CDIN1: variants seen among roughly 807,000 people sequenced by gnomAD.
CDIN1 encodes the protein CDAN1 interacting nuclease 1.
Under a neutral mutation model 45.3 loss-of-function variants are expected in CDIN1, and 33 were observed. The observed-to-expected ratio is 0.73, with a 90% CI of 0.55 to 0.97. The LOEUF is 0.97. CDIN1 is among the 50% of genes least tolerant of loss of function. The pLI, the probability that CDIN1 is intolerant of heterozygous loss-of-function variation, is 0.00. For missense variants in CDIN1, 303 were observed against 339.4 expected, an observed-to-expected ratio of 0.89 and a Z score of 0.84; for synonymous variants, 118 against 124.4, an observed-to-expected ratio of 0.95 and a Z score of 0.34.
At chr15:36,795,702 T>G (rs1566979134) in intron 10 of CDIN1, among the ~76,000 whole-genome samples, 1 of 151,568 alleles carries the variant, frequency 6.6e-6, no homozygotes, top group Non-Finnish European at 1.5e-5. Context: ...TTTATTTTTA[T>G]TATTATTTAT....
chr15:36,651,007 G>A (rs1273586327), intron 3 of CDIN1, among the ~76,000 whole-genome samples: 2 of 151,720 alleles, frequency 1.3e-5, no homozygotes, highest in Non-Finnish European at 2.9e-5. Flanking sequence ...AGGTTGCAGT[G>A]AGCCGAGATT....
At chr15:36,720,250 TTTA>T (rs869184522) in intron 10 of CDIN1, among the ~76,000 whole-genome samples, 1 of 63,348 alleles carries the variant, frequency 1.6e-5, no homozygotes, top group Non-Finnish European at 2.8e-5. Context: ...TTATTTATTA[TTTA>T]TTATTTATTT....
chr15:36,678,659 G>A (rs1451156381), intron 5 of CDIN1, among the ~76,000 whole-genome samples: 1 of 152,112 alleles, frequency 6.6e-6, no homozygotes, highest in Admixed American at 6.5e-5. Flanking sequence ...CTCCCTGACT[G>A]CTGCCATCCA....
chr15:36,594,943 T>C (rs2037743914), intron 1 of CDIN1: 2 of 979,502 alleles, frequency 2.0e-6, no homozygotes, highest in South Asian at 4.7e-5. Flanking sequence ...TTTTATGAAG[T>C]TTACTGTTTC....
chr15:36,777,532 C>G (rs1054687360), intron 10 of CDIN1, among the ~76,000 whole-genome samples: 13 of 152,108 alleles, frequency 8.5e-5, no homozygotes, highest in African/African-American at 2.9e-4. Flanking sequence ...ATTTGGACAT[C>G]TAATCAACAT....
chr15:36,737,024 C>G (rs929845464), intron 10 of CDIN1, among the ~76,000 whole-genome samples: 3 of 151,962 alleles, frequency 2.0e-5, no homozygotes, highest in African/African-American at 4.8e-5. Flanking sequence ...AAAAATTAGC[C>G]AGGCGTGGTG....
At chr15:36,656,019 A>G (rs16963785) in intron 4 of CDIN1, among the ~76,000 whole-genome samples, 42,428 of 151,954 alleles carry the variant, frequency 0.28, 6,133 homozygotes, top group Admixed American at 0.36. Flanking sequence ...TAGCCAAGAG[A>G]AAACGTAGTT....
At chr15:36,682,067 G>A (rs1287093162) in intron 5 of CDIN1, among the ~76,000 whole-genome samples, 1 of 151,684 alleles carries the variant, frequency 6.6e-6, no homozygotes, top group East Asian at 1.9e-4. Context: ...CCAATAGGAG[G>A]GGTGTGTGTA....
intron 1 of CDIN1, among the ~76,000 whole-genome samples, chr15:36,593,500 A>G (rs2037679659): frequency 6.6e-6 from 1 of 152,210 alleles, no homozygotes; most frequent in Non-Finnish European, 1.5e-5. Context: ...CAGTGTGAAC[A>G]TTGATTTAGT....
At chr15:36,648,022 G>A (rs954795888) in intron 3 of CDIN1, among the ~76,000 whole-genome samples, 2 of 151,952 alleles carry the variant, frequency 1.3e-5, no homozygotes, top group Admixed American at 1.3e-4. Context: ...TGTATTTTTA[G>A]TAGAGACGGG....
intron 1 of CDIN1, among the ~76,000 whole-genome samples, chr15:36,612,920 G>T (rs1566832902): frequency 6.6e-6 from 1 of 152,106 alleles, no homozygotes; most frequent in Non-Finnish European, 1.5e-5. Flanking sequence ...CTCTTAAAAA[G>T]GTAACAGTTG....
chr15:36,753,934 G>A lies in CDIN1; in HGVS notation c.716+43973G>A, dbSNP rs551523006. Among the ~76,000 whole-genome samples the A allele has an allele frequency of 4.1e-4, 62 of 149,606 alleles. No homozygotes were observed. The South Asian group carries it at 0.011, about 26-fold the overall frequency. Reference sequence around the variant, plus strand: ...AAAGGGAAAATTGGAAGAAGAGGAGGAGCAGGTAATACTGGAGAAATGCTG... The same window carrying A: ...AAAGGGAAAATTGGAAGAAGAGGAGAAGCAGGTAATACTGGAGAAATGCTG... On this transcript the variant is annotated intron_variant, in intron 10 of 10. Transcript: ENST00000566621.
At chr15:36,740,725 G>A (rs1346106596) in intron 10 of CDIN1, among the ~76,000 whole-genome samples, 2 of 151,890 alleles carry the variant, frequency 1.3e-5, no homozygotes, top group East Asian at 1.9e-4. Flanking sequence ...CCCATCTCCC[G>A]TAAAAATACA....
chr15:36,758,703 A>C, intron 10 of CDIN1, among the ~76,000 whole-genome samples: 1 of 152,196 alleles, frequency 6.6e-6, no homozygotes, highest in Non-Finnish European at 1.5e-5. Flanking sequence ...TATGAAATCT[A>C]TCTTTTTAAT....
chr15:36,611,951 C>T (rs184064552), intron 1 of CDIN1, among the ~76,000 whole-genome samples: 31 of 152,220 alleles, frequency 2.0e-4, no homozygotes, highest in Admixed American at 1.8e-3. Context: ...AACTTTTAGC[C>T]GTGGTACATT....
chr15:36,793,748 C>T (rs556522483), intron 10 of CDIN1, among the ~76,000 whole-genome samples: 1 of 152,064 alleles, frequency 6.6e-6, no homozygotes, highest in Non-Finnish European at 1.5e-5. Context: ...TCATTAATCG[C>T]GAGAAAACAA....
intron 7 of CDIN1, 88 bp from the exon 8 acceptor site, chr15:36,697,235 A>T: frequency 9.5e-7 from 1 of 1,050,936 alleles, no homozygotes; most frequent in South Asian, 1.4e-5. Context: ...TAAGGGTGAA[A>T]ATGGCTGCTC....
intron 1 of CDIN1, among the ~76,000 whole-genome samples, chr15:36,610,130 A>G (rs2038579235): frequency 6.6e-6 from 1 of 152,254 alleles, no homozygotes. Flanking sequence ...TTCACAAACT[A>G]TAATATAGGA....
chr15:36,764,130 A>T (rs2053848072), intron 10 of CDIN1, among the ~76,000 whole-genome samples: 1 of 152,120 alleles, frequency 6.6e-6, no homozygotes, highest in Non-Finnish European at 1.5e-5. Context: ...TGTTGTGATA[A>T]ATTAGCAAAG....
Sources: gnomAD v4.1 joint callset for allele counts (sites outside exome capture counted in the v4.1 genomes callset) on GRCh38, gnomAD v4.1.1 for gene constraint, MANE v1.5 for transcripts, NCBI Gene and HGNC (gene_info 2026-07-23, HGNC 2026-07-21) for gene names.